SLC28A1: variants seen among roughly 807,000 people sequenced by gnomAD.
SLC28A1 encodes the protein solute carrier family 28 member 1, also known as sodium/nucleoside cotransporter 1.
Under a neutral mutation model 74.8 loss-of-function variants are expected in SLC28A1, and 64 were observed. That is an observed-to-expected ratio of 0.86 (90% CI 0.70 to 1.05). The LOEUF is 1.05. SLC28A1 is among the 50% of genes least tolerant of loss of function. The pLI is 0.00. For synonymous variants in SLC28A1, 359 were observed against 335.0 expected, an observed-to-expected ratio of 1.07 and a Z score of -0.78; for missense variants, 828 against 822.8, an observed-to-expected ratio of 1.01 and a Z score of -0.08.
At chr15:84,890,669 G>A in intron 5 of SLC28A1, 135 bp downstream of exon 5, 1 of 752,204 alleles carries the variant, frequency 1.3e-6, no homozygotes, top group Non-Finnish European at 2.3e-6. Flanking sequence ...CAGCTCCCTT[G>A]CTGGGTACTG....
At chr15:84,959,179 T>C in the SLC28A1 span, among the ~76,000 whole-genome samples, 2 of 151,526 alleles carry the variant, frequency 1.3e-5, no homozygotes, top group African/African-American at 4.8e-5. Context: ...TCACAGCTCA[T>C]TGCAGCCTCG....
Position 84,921,047 on chromosome 15 carries a change from C to T in SLC28A1, c.935C>T (p.Ala312Val). The T allele has an allele frequency of 1.2e-6, 2 of 1,613,932 alleles. No homozygotes were observed. Among genetic ancestry groups the T allele is most frequent in the Non-Finnish European group, 1.7e-6 (2 of 1,179,810 alleles). ...ACAGCCACTGAGACCCTGAGTGTGGCTGGAAACATCTTTGTGAGCCAGGTG... is the reference window on the plus strand; with the variant it reads ...ACAGCCACTGAGACCCTGAGTGTGGTTGGAAACATCTTTGTGAGCCAGGTG... ...GTTATETLSV[A>V]GNIFVSQTEA... The change falls in exon 11 of 19, where the codon GCT becomes GTT. Residue 312 changes from alanine to valine, a missense_variant. Physicochemically the swap from Ala to Val is moderately conservative, Grantham distance 64 (BLOSUM62 0). Around this residue, in one of 3 missense-constraint regions of SLC28A1, gnomAD observed 767 missense variants for 753.5 expected, o/e 1.02. Coordinates refer to ENST00000394573, the MANE Select transcript of SLC28A1 (RefSeq NM_004213.5).
chr15:84,959,943 C>T, the SLC28A1 span, among the ~76,000 whole-genome samples: 1 of 152,168 alleles, frequency 6.6e-6, no homozygotes, highest in Non-Finnish European at 1.5e-5. Flanking sequence ...TAAGGCTTAT[C>T]AACTAGTGTA....
chr15:84,896,577 G>T (rs1966021606), intron 6 of SLC28A1, among the ~76,000 whole-genome samples: 1 of 152,196 alleles, frequency 6.6e-6, no homozygotes, highest in Non-Finnish European at 1.5e-5. Flanking sequence ...ACTTTGGGAG[G>T]CCGAGGTGGG....
intron 6 of SLC28A1, chr15:84,895,891 G>A: frequency 2.9e-6 from 3 of 1,019,168 alleles, no homozygotes; most frequent in Non-Finnish European, 3.5e-6. Context: ...AGGGGTACAG[G>A]GGTGCCTCTC....
At chr15:84,924,300 TG>T (rs200450114) in intron 12 of SLC28A1, among the ~76,000 whole-genome samples, 190 bp downstream of exon 12, 3,313 of 152,080 alleles carry the variant, frequency 0.022, 128 homozygotes, top group African/African-American at 0.076. Flanking sequence ...CATGGCCACC[TG>T]GGGCAAAGCT....
At chr15:84,925,782 T>C (rs1473823403) in intron 12 of SLC28A1, among the ~76,000 whole-genome samples, 2 of 152,148 alleles carry the variant, frequency 1.3e-5, no homozygotes, top group Non-Finnish European at 2.9e-5. Context: ...TCTCTTTTTT[T>C]TTTAATAAAA....
At chr15:84,895,874 G>C in intron 6 of SLC28A1, 5 of 1,058,314 alleles carry the variant, frequency 4.7e-6, no homozygotes, top group Non-Finnish European at 5.7e-6. Flanking sequence ...CTAAGTCAGG[G>C]GGATGCAGGG....
At chr15:84,899,233 A>T (rs960800647) in intron 6 of SLC28A1, among the ~76,000 whole-genome samples, 1 of 152,188 alleles carries the variant, frequency 6.6e-6, no homozygotes, top group Non-Finnish European at 1.5e-5. Flanking sequence ...CCTGCCTAAC[A>T]CATCTTAAAG....
At chr15:84,908,598 G>T in intron 8 of SLC28A1, 120 bp from the exon 9 acceptor site, 1 of 794,848 alleles carries the variant, frequency 1.3e-6, no homozygotes, top group Non-Finnish European at 2.1e-6. Flanking sequence ...CCCCCCCCCG[G>T]ATAAGGGCCT....
At chr15:84,910,276 T>G (rs1199405079) in intron 9 of SLC28A1, among the ~76,000 whole-genome samples, 3 of 152,224 alleles carry the variant, frequency 2.0e-5, no homozygotes, top group African/African-American at 7.2e-5. Context: ...AGGCCCCTAA[T>G]ACCATATTCC....
chr15:84,943,330 A>T, intron 15 of SLC28A1, 115 bp from the exon 16 acceptor site: 1 of 755,210 alleles, frequency 1.3e-6, no homozygotes, highest in Non-Finnish European at 2.4e-6. Context: ...GAGGACTCAA[A>T]GGTCAATTAC....
Position 84,933,167 on chromosome 15 carries a change from CA to C in SLC28A1, c.1107del (p.Ala370ProfsTer3). The C allele has an allele frequency of 6.2e-7, 1 of 1,613,634 alleles. No individual in the cohort carries two copies. The highest frequency in any genetic ancestry group is 8.5e-7 in the Non-Finnish European group (1 of 1,179,720). On this transcript the variant is annotated frameshift_variant, in exon 13 of 19. Coordinates refer to ENST00000394573, the MANE Select transcript of SLC28A1 (RefSeq NM_004213.5). LOFTEE classifies it high-confidence loss of function. ...CAGATCGATGCCACCTCGTTGATTG[CA>C]GCCTCTGTGATGGCTGCCCCTTGTG... is the stretch of plus-strand genomic sequence containing the variant. ...SFGIDATSLI[A>X]ASVMAAPCAL...
intron 1 of SLC28A1, 62 bp downstream of exon 1, chr15:84,884,813 G>A (rs751339681): frequency 2.4e-6 from 2 of 837,680 alleles, no homozygotes; most frequent in Non-Finnish European, 2.9e-6. Flanking sequence ...GGGGAAGGGG[G>A]TAGCACAGGG....
intron 10 of SLC28A1, among the ~76,000 whole-genome samples, chr15:84,920,665 G>A (rs560633494): frequency 2.2e-4 from 32 of 147,346 alleles, no homozygotes; most frequent in Non-Finnish European, 3.5e-4. Flanking sequence ...ACTTCTCAGA[G>A]GCTTTACTAA....
the SLC28A1 span, among the ~76,000 whole-genome samples, chr15:84,966,769 A>G: frequency 1.3e-5 from 2 of 152,210 alleles, no homozygotes; most frequent in African/African-American, 4.8e-5. Flanking sequence ...TCACGAGAAC[A>G]GCACAGGAAA....
the SLC28A1 span, among the ~76,000 whole-genome samples, chr15:84,959,515 C>T: frequency 6.6e-6 from 1 of 151,526 alleles, no homozygotes; most frequent in African/African-American, 2.4e-5. Context: ...AATTTATCTT[C>T]GAATTTTTTT....
In SLC28A1 at chr15:84,924,016, T is replaced by C; in HGVS notation, c.989T>C (p.Leu330Ser). 6.2e-7 allele frequency: 1 copy of C among 1,614,062 alleles called. No individual in the cohort carries two copies. ...GCTCCATTACTGATCCGGCCCTACT[T>C]GGCAGACATGACACTCTCTGAAGTC... The part of the protein sequence containing the change: ...TEAPLLIRPY[L>S]ADMTLSEVHV... Residue 330 changes from leucine (L) to serine (S), a missense_variant, in exon 12 of 19, where the codon TTG becomes TCG. Leu to Ser is a moderately radical substitution (Grantham distance 145). Around this residue, in one of 3 missense-constraint regions of SLC28A1, gnomAD observed 767 missense variants for 753.5 expected, o/e 1.02. Transcript: ENST00000394573.
chr15:84,906,819 A>G (rs1967325322), intron 8 of SLC28A1, among the ~76,000 whole-genome samples: 1 of 152,146 alleles, frequency 6.6e-6, no homozygotes, highest in Admixed American at 6.6e-5. Flanking sequence ...TTTAAGTATC[A>G]TTAAATTCAT....
Sources: gnomAD v4.1 joint callset for allele counts (sites outside exome capture counted in the v4.1 genomes callset) on GRCh38, gnomAD v4.1.1 for gene constraint, gnomAD v4.1.1 regional missense constraint, MANE v1.5 for transcripts, NCBI Gene and HGNC (gene_info 2026-07-23, HGNC 2026-07-21) for gene names.